Variants in TMEM132B observed in about 807,000 individuals in gnomAD.
TMEM132B encodes the protein transmembrane protein 132B.
A neutral mutation model predicts 90.8 loss-of-function variants in TMEM132B; 18 were observed. That is an observed-to-expected ratio of 0.20 (90% CI 0.14 to 0.29). The LOEUF (loss-of-function observed/expected upper bound fraction) is 0.29, where lower values mean the gene tolerates loss of function less well. Ranked by LOEUF, TMEM132B falls within the 10% of genes least tolerant of loss-of-function variation. TMEM132B has a pLI of 1.00. For synonymous variants in TMEM132B, 504 were observed against 523.3 expected (o/e 0.96, Z 0.50); for missense variants, 1,096 against 1,326.8 (o/e 0.83, Z 2.70).
rs1401709711 is a variant in TMEM132B at position 125,583,899 on chromosome 12, G to T, written c.1342G>T (p.Val448Phe). ...CATTCTCACTGGAAAGCCTGTTTCAGTTCCTGTCAAAGTCGTGGGGGTCCA... is the reference window on the plus strand; with the variant it reads ...CATTCTCACTGGAAAGCCTGTTTCATTTCCTGTCAAAGTCGTGGGGGTCCA... The part of the protein sequence containing the change: ...TAILTGKPVS[V>F]PVKVVGVQED... The change falls in exon 5 of 9, where the codon GTT becomes TTT. Residue 448 changes from valine (V) to phenylalanine (F), a missense_variant. By Grantham distance (50) the Val-to-Phe change is conservative. Transcript: ENST00000682704. The T allele has an allele frequency of 3.7e-6, 6 of 1,614,156 alleles. No individual in the cohort carries two copies. Among genetic ancestry groups the T allele is most frequent in the Non-Finnish European group, 4.2e-6 (5 of 1,180,028 alleles).
intron 4 of TMEM132B, among the ~76,000 whole-genome samples, chr12:125,582,429 G>A (rs1425702433): frequency 3.3e-5 from 5 of 152,124 alleles, no homozygotes; most frequent in Non-Finnish European, 7.4e-5. Flanking sequence ...CTCCAAATGT[G>A]AAAGCAATAC....
At chr12:125,429,288 C>A (rs929708745) in intron 3 of TMEM132B, among the ~76,000 whole-genome samples, 1 of 151,962 alleles carries the variant, frequency 6.6e-6, no homozygotes, top group African/African-American at 2.4e-5. Context: ...CAACCTCTGC[C>A]TCCTAGGCTC....
chr12:125,308,003 G>A (rs1876034778), intron 1 of TMEM132B, among the ~76,000 whole-genome samples: 1 of 132,310 alleles, frequency 7.6e-6, no homozygotes, highest in African/African-American at 2.8e-5. Context: ...ATATATATAA[G>A]TAATATAAGT....
intron 3 of TMEM132B, among the ~76,000 whole-genome samples, chr12:125,420,418 C>T (rs1477429991): frequency 6.6e-6 from 1 of 152,210 alleles, no homozygotes; most frequent in Non-Finnish European, 1.5e-5. Context: ...GGGCTGGCAC[C>T]CTCTGAAGCC....
At chr12:125,482,092 C>T (rs960905895) in intron 3 of TMEM132B, among the ~76,000 whole-genome samples, 1 of 152,130 alleles carries the variant, frequency 6.6e-6, no homozygotes, top group African/African-American at 2.4e-5. Flanking sequence ...CACACTTATA[C>T]AAAAATTAAT....
chr12:125,302,097 G>A (rs1301710907), intron 1 of TMEM132B, among the ~76,000 whole-genome samples: 1 of 152,144 alleles, frequency 6.6e-6, no homozygotes, highest in South Asian at 2.1e-4. Context: ...CTACTCAGGA[G>A]GCTGAGGCAA....
At chr12:125,513,355 CGTGT>C in intron 3 of TMEM132B, among the ~76,000 whole-genome samples, 1 of 152,156 alleles carries the variant, frequency 6.6e-6, no homozygotes, top group South Asian at 2.1e-4. Context: ...TGCGTGTGTG[CGTGT>C]GAGAGACAGC....
chr12:125,486,985 G>A (rs950987771), intron 3 of TMEM132B, among the ~76,000 whole-genome samples: 19 of 152,160 alleles, frequency 1.2e-4, no homozygotes, highest in Non-Finnish European at 1.9e-4. Context: ...TGTTGTTCTT[G>A]TAAAATTTGT....
At chr12:125,325,392 G>C (rs557663570) in intron 1 of TMEM132B, among the ~76,000 whole-genome samples, 2 of 152,300 alleles carry the variant, frequency 1.3e-5, no homozygotes, top group South Asian at 2.1e-4. Context: ...AGGCTTTCTG[G>C]TGCAAGCTGC....
intron 1 of TMEM132B, among the ~76,000 whole-genome samples, chr12:125,292,414 A>G (rs572117108): frequency 6.6e-6 from 1 of 152,204 alleles, no homozygotes; most frequent in African/African-American, 2.4e-5. Context: ...TGGTTTGATT[A>G]AAAAAACATT....
intron 3 of TMEM132B, among the ~76,000 whole-genome samples, chr12:125,495,144 C>G (rs1355179560): frequency 8.7e-6 from 1 of 115,098 alleles, no homozygotes; most frequent in Non-Finnish European, 1.8e-5. Flanking sequence ...TGTCCCTCTT[C>G]CCCCTACTCC....
Position 125,352,616 on chromosome 12 carries a change from C to T in TMEM132B, c.959+2273C>T, listed in dbSNP as rs139706662. Among the ~76,000 whole-genome samples, 377 of 152,336 alleles carry T rather than the reference C, an allele frequency of 2.5e-3. 1 individual carries two copies. The highest frequency in any genetic ancestry group is 8.3e-3 in the African/African-American group (345 of 41,570). On this transcript the variant is annotated intron_variant, in intron 2 of 8. Transcript: ENST00000682704. The stretch of plus-strand genomic sequence containing the variant: ...ATAAAGTTCTTAGAACAATGCCTGG[C>T]AAATTGTGAGTCCTCAGTGAATGTT...
chr12:125,378,191 C>T (rs117156005), intron 2 of TMEM132B, among the ~76,000 whole-genome samples: 1 of 152,240 alleles, frequency 6.6e-6, no homozygotes, highest in East Asian at 1.9e-4. Flanking sequence ...CATTGAAATA[C>T]CTGTGGATAT....
At chr12:125,497,941 C>T (rs985205013) in intron 3 of TMEM132B, among the ~76,000 whole-genome samples, 1 of 152,150 alleles carries the variant, frequency 6.6e-6, no homozygotes, top group African/African-American at 2.4e-5. Flanking sequence ...CTTAGCCATG[C>T]TTGATCATGA....
At chr12:125,610,682 T>G (rs1252031341) in intron 5 of TMEM132B, among the ~76,000 whole-genome samples, 2 of 151,982 alleles carry the variant, frequency 1.3e-5, no homozygotes, top group African/African-American at 4.8e-5. Context: ...CCATTGTTGG[T>G]TTTATTATAT....
intron 1 of TMEM132B, among the ~76,000 whole-genome samples, chr12:125,224,164 C>T (rs1873624587): frequency 6.6e-6 from 1 of 152,154 alleles, no homozygotes; most frequent in Admixed American, 6.5e-5. Context: ...TATGGATATA[C>T]CACATTTTTT....
chr12:125,195,684 C>A (rs923766505), intron 1 of TMEM132B, among the ~76,000 whole-genome samples: 1 of 152,094 alleles, frequency 6.6e-6, no homozygotes. Context: ...CAGACGTGAG[C>A]CACCGCACCT....
intron 2 of TMEM132B, among the ~76,000 whole-genome samples, chr12:125,369,140 C>G (rs1043698131): frequency 6.6e-6 from 1 of 151,918 alleles, no homozygotes; most frequent in Non-Finnish European, 1.5e-5. Context: ...TCTGTACTTG[C>G]GATAGTTTGC....
intron 3 of TMEM132B, among the ~76,000 whole-genome samples, chr12:125,434,042 G>C (rs1445547946): frequency 1.3e-5 from 2 of 152,170 alleles, no homozygotes; most frequent in African/African-American, 4.8e-5. Context: ...CTGAAAGTCA[G>C]AAGTCTAAAA....
Sources: allele counts gnomAD v4.1 joint callset (sites outside exome capture counted in the v4.1 genomes callset), GRCh38; gene constraint gnomAD v4.1.1; transcripts MANE v1.5; gene names NCBI Gene and HGNC (gene_info 2026-07-23, HGNC 2026-07-21).